GC: variants seen among roughly 807,000 people sequenced by gnomAD.
GC encodes the protein GC vitamin D binding protein.
GC carries 43 observed loss-of-function variants against 56.7 expected under a neutral mutation model. That is an observed-to-expected ratio of 0.76 (90% confidence interval 0.59 to 0.98). The LOEUF is 0.98. Among genes scored for constraint, GC ranks in the 50% least tolerant of loss-of-function variants. The probability of loss-of-function intolerance (pLI) is 0.00; values close to 1 mark genes in which losing one functional copy is unlikely to be tolerated. For missense variants in GC, 529 were observed against 545.9 expected (o/e 0.97, Z 0.31); for synonymous variants, 216 against 202.7 (o/e 1.07, Z -0.56).
intron 1 of GC, among the ~76,000 whole-genome samples, chr4:71,791,694 T>C (rs1368548474): frequency 6.6e-6 from 1 of 152,012 alleles, no homozygotes; most frequent in Non-Finnish European, 1.5e-5. Flanking sequence ...TACCTTCAGT[T>C]CTAGGGTACA....
intron 6 of GC, among the ~76,000 whole-genome samples, chr4:71,760,994 G>A (rs1260476177): frequency 1.3e-5 from 2 of 152,172 alleles, no homozygotes; most frequent in African/African-American, 4.8e-5. Flanking sequence ...TTTGTACCAG[G>A]AGTGCGGTGC....
chr4:71,778,706 A>G (rs1742581537), intron 1 of GC, among the ~76,000 whole-genome samples: 1 of 151,828 alleles, frequency 6.6e-6, no homozygotes, highest in African/African-American at 2.4e-5. Context: ...GAAAACATCC[A>G]TATGAGGATG....
chr4:71,787,961 A>G (rs1288087341), upstream of GC, among the ~76,000 whole-genome samples: 2 of 151,696 alleles, frequency 1.3e-5, no homozygotes, highest in Admixed American at 6.6e-5. Context: ...AAGACACCCA[A>G]ATTTCCAGGT....
At chr4:71,805,444 A>G (rs1619154), upstream of GC, among the ~76,000 whole-genome samples, 94 of 152,074 alleles carry the variant, frequency 6.2e-4, no homozygotes, top group African/African-American at 1.6e-3. Context: ...ACTGATGAAA[A>G]GAGTACTCAG....
chr4:71,804,968 CCT>C (rs1244143501), upstream of GC, among the ~76,000 whole-genome samples: 1 of 152,038 alleles, frequency 6.6e-6, no homozygotes, highest in African/African-American at 2.4e-5. Flanking sequence ...TTCTCCCTTC[CCT>C]GTTTAGGCTC....
rs539694753 is a variant in GC at position 71,791,125 on chromosome 4, A to G, written c.22-7071T>C. On this transcript the variant is annotated intron_variant, in intron 1 of 13. Transcript: ENST00000504199. The stretch of plus-strand genomic sequence containing the variant: ...TTTTTTCTTCACATTTTCACACCTC[A>G]TACATCATATTTTTATATCACATTT... Among the ~76,000 whole-genome samples the G allele has an allele frequency of 1.2e-4, 19 of 152,232 alleles. No homozygotes were observed. In the East Asian group the frequency reaches 3.7e-3, roughly 29 times the overall value.
At chr4:71,775,268 T>C (rs1742471793) in intron 1 of GC, among the ~76,000 whole-genome samples, 1 of 151,948 alleles carries the variant, frequency 6.6e-6, no homozygotes, top group South Asian at 2.1e-4. Flanking sequence ...AGATCATGTC[T>C]AAATTTTTAG....
intron 1 of GC, among the ~76,000 whole-genome samples, chr4:71,775,713 G>C (rs1032572097): frequency 2.6e-5 from 4 of 151,928 alleles, no homozygotes; most frequent in African/African-American, 9.7e-5. Context: ...AAAGTGAAGA[G>C]ACAACCCACA....
At chr4:71,768,463 T>G in intron 2 of GC, 30 bp from the exon 3 acceptor site, 1 of 1,583,706 alleles carries the variant, frequency 6.3e-7, no homozygotes, top group South Asian at 1.1e-5. Context: ...ATATATCAAT[T>G]AGAACTGAAA....
chr4:71,781,839 T>C (rs1202943404), intron 1 of GC, among the ~76,000 whole-genome samples: 5 of 151,864 alleles, frequency 3.3e-5, no homozygotes, highest in Non-Finnish European at 7.4e-5. Context: ...TTCCCAATGC[T>C]GTTTGATAGG....
At chr4:71,783,623 C>G (rs528344153) in intron 1 of GC, among the ~76,000 whole-genome samples, 1 of 151,824 alleles carries the variant, frequency 6.6e-6, no homozygotes, top group East Asian at 2.0e-4. Context: ...GGATCACAGT[C>G]TTTATTTGCA....
chr4:71,764,560 A>G (rs1214877986), intron 4 of GC, among the ~76,000 whole-genome samples: 1 of 152,180 alleles, frequency 6.6e-6, no homozygotes, highest in Non-Finnish European at 1.5e-5. Flanking sequence ...AATTAATTAA[A>G]ATGAATGTAA....
chr4:71,766,825 T>C (rs1742172869), intron 3 of GC, among the ~76,000 whole-genome samples: 1 of 152,122 alleles, frequency 6.6e-6, no homozygotes, highest in Non-Finnish European at 1.5e-5. Flanking sequence ...AGTTATCTTC[T>C]TTCAAGTAAA....
chr4:71,755,590 T>C (rs957414336), intron 8 of GC, among the ~76,000 whole-genome samples: 4 of 152,210 alleles, frequency 2.6e-5, no homozygotes, highest in East Asian at 1.9e-4. Flanking sequence ...AATACTTTCA[T>C]TGAGATACAA....
chr4:71,785,166 C>T (rs1742803624), upstream of GC, among the ~76,000 whole-genome samples: 1 of 151,768 alleles, frequency 6.6e-6, no homozygotes, highest in African/African-American at 2.4e-5. Context: ...TTTGACACAA[C>T]ATTGCTATGA....
chr4:71,747,812 TAGAC>T (rs1741424152), intron 11 of GC, among the ~76,000 whole-genome samples: 1 of 152,130 alleles, frequency 6.6e-6, no homozygotes, highest in South Asian at 2.1e-4. Flanking sequence ...TAATACAAAT[TAGAC>T]AGAGCTGGCA....
rs183147012 is a variant in GC, at chr4:71,766,980, G to T, written c.261+1321C>A. On this transcript the variant is annotated intron_variant, in intron 3 of 12. Coordinates refer to ENST00000273951, the MANE Select transcript of GC (RefSeq NM_000583.4). ...AGAGACAGATCATATCTCTGATCAA[G>T]GGATGTATTAGCAAATATATGAAAT... 2.0e-5 allele frequency among the ~76,000 whole-genome samples: 3 copies of T among 152,234 alleles called. No individual in the cohort carries two copies. The East Asian group carries it at 5.8e-4, about 29-fold the overall frequency.
intron 1 of GC, among the ~76,000 whole-genome samples, chr4:71,801,169 G>C (rs1435248245): frequency 6.6e-6 from 1 of 152,108 alleles, no homozygotes; most frequent in Admixed American, 6.5e-5. Flanking sequence ...ATGGGCAAAG[G>C]ATCTGAATAG....
chr4:71,793,530 G>T (rs1057198214), intron 1 of GC, among the ~76,000 whole-genome samples: 1 of 152,190 alleles, frequency 6.6e-6, no homozygotes, highest in Non-Finnish European at 1.5e-5. Context: ...TGCTGAAATT[G>T]CTTATCAGCT....
Sources: gnomAD v4.1 joint callset for allele counts (sites outside exome capture counted in the v4.1 genomes callset) on GRCh38, gnomAD v4.1.1 for gene constraint, MANE v1.5 for transcripts, NCBI Gene and HGNC (gene_info 2026-07-23, HGNC 2026-07-21) for gene names.